The following ARFGEF2 variants were observed in gnomAD, a reference collection of about 807,000 sequenced individuals.
ARFGEF2 encodes ARF guanine nucleotide exchange factor 2, also known as brefeldin A-inhibited guanine nucleotide-exchange protein 2.
Under a neutral mutation model 219.9 loss-of-function variants are expected in ARFGEF2, and 74 were observed. The ratio of observed to expected loss-of-function variants is 0.34; its 90% confidence interval spans 0.28 to 0.41. The LOEUF (loss-of-function observed/expected upper bound fraction) is 0.41. ARFGEF2 is among the 10% of genes least tolerant of loss of function. The pLI is 1.00. For missense variants in ARFGEF2, 1,743 were observed against 2,218.3 expected, an observed-to-expected ratio of 0.79 and a Z score of 4.30; for synonymous variants, 733 against 799.2, an observed-to-expected ratio of 0.92 and a Z score of 1.40.
rs976502313 is a variant in ARFGEF2 at position 48,936,490 on chromosome 20, G to A, written c.122-4709G>A. Among the ~76,000 whole-genome samples, 33 of 150,952 alleles carry A rather than the reference G, an allele frequency of 2.2e-4. No individual in the cohort carries two copies. In the South Asian group the frequency reaches 4.9e-3, roughly 22 times the overall value. On this transcript the variant is annotated intron_variant, in intron 1 of 38. Transcript: ENST00000371917. ...CGGGCGGAGGGGCTCCTCACTTCTC[G>A]GACGGGGCGGTTGCCGGGCAGAGGG... is the stretch of plus-strand genomic sequence containing the variant.
intron 13 of ARFGEF2, among the ~76,000 whole-genome samples, chr20:48,975,114 T>G (rs1238969012): frequency 1.3e-5 from 2 of 152,198 alleles, no homozygotes; most frequent in Non-Finnish European, 1.5e-5. Flanking sequence ...AGTTGTTCAT[T>G]CCCTCACTGA....
At chr20:48,962,968 C>T (rs1420468000) in intron 6 of ARFGEF2, among the ~76,000 whole-genome samples, 1 of 151,906 alleles carries the variant, frequency 6.6e-6, no homozygotes, top group Admixed American at 6.6e-5. Flanking sequence ...CAGCACTTTG[C>T]GATGCCAAGG....
Position 48,994,512 on chromosome 20 carries a change from G to C in ARFGEF2, c.3035G>C (p.Arg1012Pro). 1 of 1,614,106 alleles carries C rather than the reference G, an allele frequency of 6.2e-7. No individual in the cohort carries two copies. Among genetic ancestry groups the C allele is most frequent in the South Asian group, 1.1e-5 (1 of 91,078 alleles). ...CTGATAGGAACCGGTGTGAAGACGC[G>C]CTACCTGTCTGGATCTGGGCGTGAA... ...AQLIGTGVKT[R>P]YLSGSGRERE... Residue 1012 changes from arginine to proline, a missense_variant, in exon 22 of 39, where the codon CGC (arginine) becomes CCC (proline). By Grantham distance (103) the Arg-to-Pro change is moderately radical. Coordinates refer to ENST00000371917, the MANE Select transcript of ARFGEF2 (RefSeq NM_006420.3).
chr20:48,989,723 G>C (rs1568724451), intron 20 of ARFGEF2, 39 bp downstream of exon 20: 1 of 1,613,254 alleles, frequency 6.2e-7, no homozygotes. Flanking sequence ...ATACTGGTGG[G>C]TTGTGCTCTT....
intron 25 of ARFGEF2, among the ~76,000 whole-genome samples, chr20:49,002,810 A>T (rs1209964670): frequency 1.3e-5 from 2 of 151,408 alleles, no homozygotes; most frequent in African/African-American, 2.4e-5. Context: ...ATGCCTGGCT[A>T]ATTTTTTGTA....
rs985391187 is a variant in ARFGEF2 at position 49,032,873 on chromosome 20, G to A, written c.5182-150G>A. 2.0e-5 allele frequency: 16 copies of A among 792,248 alleles called. No homozygotes were observed. In the Admixed American group the frequency reaches 2.2e-4, roughly 11 times the overall value. The allele number at this position is 792,248 out of a possible 1,614,324, so 49.1% of individuals were successfully genotyped here. On this transcript the variant is annotated intron_variant, in intron 38 of 38. Coordinates refer to ENST00000371917, the MANE Select transcript of ARFGEF2 (RefSeq NM_006420.3). ...CTCCCCAAGTGCTGGGATTATAGGC[G>A]TGAATCACTGCGCTCGGCCCCAACT... is the stretch of plus-strand genomic sequence containing the variant.
chr20:48,941,294 G>A (rs1161932548), intron 2 of ARFGEF2, 65 bp downstream of exon 2: 1 of 1,533,828 alleles, frequency 6.5e-7, no homozygotes. Context: ...AACTGGGGGA[G>A]CCTCTTTCTC....
At chr20:49,009,539 A>G (rs2091483161) in intron 26 of ARFGEF2, among the ~76,000 whole-genome samples, 1 of 152,150 alleles carries the variant, frequency 6.6e-6, no homozygotes, top group Non-Finnish European at 1.5e-5. Context: ...CAGTAGGCTT[A>G]TATAGCTTTC....
intron 26 of ARFGEF2, among the ~76,000 whole-genome samples, chr20:49,007,802 A>C (rs1193728627): frequency 2.0e-5 from 3 of 152,060 alleles, no homozygotes; most frequent in Non-Finnish European, 4.4e-5. Context: ...TTTAGCAAAT[A>C]CACAAAAGTA....
chr20:48,985,674 C>G (rs1214364570), intron 16 of ARFGEF2, 61 bp downstream of exon 16: 2 of 1,554,024 alleles, frequency 1.3e-6, no homozygotes, highest in African/African-American at 2.7e-5. Context: ...AACGCTAATT[C>G]TAATTTGGTT....
chr20:48,965,978 CGGGATAGCCGATGACA>C lies in ARFGEF2; in HGVS notation c.1017_1032del (p.Ile340SerfsTer42). On this transcript the variant is annotated frameshift_variant, in exon 8 of 39. Coordinates refer to ENST00000371917, the MANE Select transcript of ARFGEF2 (RefSeq NM_006420.3). LOFTEE classifies it high-confidence loss of function. ...GAGTTGATGAAAACTCACAGACCAA[CGGGATAGCCGATGACA>C]GGCAGTCCTTGTCGTCAGCAGATAA... 1 of 1,614,120 alleles carries C rather than the reference CGGGATAGCCGATGACA, an allele frequency of 6.2e-7. No homozygotes were observed. The highest frequency in any genetic ancestry group is 8.5e-7 in the Non-Finnish European group (1 of 1,179,986).
chr20:49,013,450 A>G, intron 28 of ARFGEF2, 114 bp from the exon 29 acceptor site: 1 of 1,346,484 alleles, frequency 7.4e-7, no homozygotes, highest in Non-Finnish European at 1.1e-6. Context: ...CCCTTGCTGA[A>G]TGGAGATTTT....
intron 3 of ARFGEF2, among the ~76,000 whole-genome samples, chr20:48,945,932 T>C (rs991549688): frequency 2.6e-5 from 4 of 152,162 alleles, no homozygotes; most frequent in Non-Finnish European, 5.9e-5. Context: ...CTCTGAGATG[T>C]AATAGGTACA....
At chr20:48,963,801 G>A (rs2091169544) in intron 6 of ARFGEF2, 29 bp from the exon 7 acceptor site, 5 of 1,606,912 alleles carry the variant, frequency 3.1e-6, no homozygotes, top group Non-Finnish European at 4.3e-6. Context: ...ATGCCCACGT[G>A]TGTTTTGTAT....
At chr20:48,973,628 G>A (rs775595858) in intron 12 of ARFGEF2, among the ~76,000 whole-genome samples, 33 of 152,252 alleles carry the variant, frequency 2.2e-4, no homozygotes, top group Middle Eastern at 6.8e-3. Context: ...CAAAGATAGC[G>A]TGGAAAACAG....
At chr20:49,031,196 TCACAACAA>T (rs931040102) in intron 37 of ARFGEF2, among the ~76,000 whole-genome samples, 1 of 142,432 alleles carries the variant, frequency 7.0e-6, no homozygotes, top group African/African-American at 2.5e-5. Context: ...CATTTAATCC[TCACAACAA>T]CCCCTTGAGT....
At chr20:48,981,196 C>T (rs992089173) in intron 14 of ARFGEF2, among the ~76,000 whole-genome samples, 4 of 152,142 alleles carry the variant, frequency 2.6e-5, no homozygotes, top group Non-Finnish European at 4.4e-5. Flanking sequence ...AATCTCTCAG[C>T]ATTTGCTTGT....
chr20:48,975,088 C>A (rs531850424), intron 13 of ARFGEF2, among the ~76,000 whole-genome samples: 109 of 152,330 alleles, frequency 7.2e-4, no homozygotes, highest in African/African-American at 2.5e-3. Context: ...GCCAGTTGCT[C>A]TAGTGCCTTT....
At chr20:48,968,941 A>G (rs2091208007) in intron 8 of ARFGEF2, among the ~76,000 whole-genome samples, 1 of 152,044 alleles carries the variant, frequency 6.6e-6, no homozygotes, top group South Asian at 2.1e-4. Flanking sequence ...TTTTGATAAG[A>G]GTTAGCTTTT....
Sources: allele counts gnomAD v4.1 joint callset (sites outside exome capture counted in the v4.1 genomes callset), GRCh38; gene constraint gnomAD v4.1.1; transcripts MANE v1.5; gene names NCBI Gene and HGNC (gene_info 2026-07-23, HGNC 2026-07-21).